Variants in INSC observed in about 807,000 individuals in gnomAD.
INSC encodes protein inscuteable homolog.
In INSC, 67 loss-of-function variants were observed where a neutral mutation model predicts 58.6. The observed-to-expected ratio is 1.14, with a 90% CI of 0.94 to 1.40. The LOEUF is 1.40. Ranked by LOEUF, INSC falls within the 40% of genes most tolerant of loss-of-function variation. The pLI is 0.00. For synonymous variants in INSC, 262 were observed against 276.1 expected (o/e 0.95, Z 0.51); for missense variants, 714 against 692.0 (o/e 1.03, Z -0.36).
intron 7 of INSC, among the ~76,000 whole-genome samples, chr11:15,217,354 G>A (rs535510999): frequency 1.2e-4 from 19 of 152,278 alleles, no homozygotes; most frequent in African/African-American, 4.3e-4. Flanking sequence ...GGGGATTATG[G>A]GAACTACAGT....
chr11:15,267,255 C>T, the INSC span, among the ~76,000 whole-genome samples: 1 of 151,978 alleles, frequency 6.6e-6, no homozygotes, highest in East Asian at 1.9e-4. Flanking sequence ...TGTCTTTGAT[C>T]ACTTGTGGTT....
intron 7 of INSC, among the ~76,000 whole-genome samples, chr11:15,202,099 G>A (rs1850616147): frequency 6.6e-6 from 1 of 152,176 alleles, no homozygotes; most frequent in Non-Finnish European, 1.5e-5. Context: ...CAGATGACAA[G>A]GCTATGGGTC....
At chr11:15,221,801 G>A (rs1481085069) in intron 8 of INSC, among the ~76,000 whole-genome samples, 153 bp downstream of exon 8, 1 of 152,136 alleles carries the variant, frequency 6.6e-6, no homozygotes, top group Non-Finnish European at 1.5e-5. Context: ...CACAATTAAT[G>A]GATCTGAATT....
chr11:15,230,605 A>G (rs915764108), intron 9 of INSC, among the ~76,000 whole-genome samples: 2 of 152,234 alleles, frequency 1.3e-5, no homozygotes, highest in African/African-American at 4.8e-5. Context: ...GATATTGTGT[A>G]GTATTGGAGG....
At chr11:15,243,417 A>C (rs1008455643) in intron 12 of INSC, among the ~76,000 whole-genome samples, 31 of 152,210 alleles carry the variant, frequency 2.0e-4, no homozygotes, top group African/African-American at 7.5e-4. Context: ...AGCAGCTGTC[A>C]GTAGGTTGCC....
At chr11:15,250,815 C>A (rs1852642352), downstream of INSC, among the ~76,000 whole-genome samples, 1 of 152,222 alleles carries the variant, frequency 6.6e-6, no homozygotes, top group Admixed American at 6.5e-5. Context: ...GGGGATATGG[C>A]TCAGGATTTC....
chr11:15,206,844 G>A (rs1310961388), intron 7 of INSC, among the ~76,000 whole-genome samples: 11 of 152,228 alleles, frequency 7.2e-5, no homozygotes, highest in African/African-American at 1.9e-4. Flanking sequence ...TGGTGCCTGC[G>A]TGGAGAAAGC....
chr11:15,221,946 ATGGGG>A (rs1589987411), intron 8 of INSC, among the ~76,000 whole-genome samples: 1 of 152,158 alleles, frequency 6.6e-6, no homozygotes, highest in East Asian at 1.9e-4. Flanking sequence ...CCAGAAAGGA[ATGGGG>A]CCTCAAATTT....
At chr11:15,252,310 T>C in the INSC span, among the ~76,000 whole-genome samples, 1 of 152,246 alleles carries the variant, frequency 6.6e-6, no homozygotes, top group Non-Finnish European at 1.5e-5. Context: ...CACAACTCTG[T>C]GAATATACTG....
At chr11:15,125,154 G>A (rs1422065659) in intron 1 of INSC, among the ~76,000 whole-genome samples, 1 of 152,170 alleles carries the variant, frequency 6.6e-6, no homozygotes, top group Non-Finnish European at 1.5e-5. Flanking sequence ...AGGCATTTAA[G>A]CAGAGGCCAG....
chr11:15,116,860 TCTCTCTCTCTCTCTCTCC>T (rs1590321241), intron 1 of INSC, among the ~76,000 whole-genome samples: 1 of 64,850 alleles, frequency 1.5e-5, no homozygotes, highest in East Asian at 4.9e-4. Context: ...TCTCTCTCTC[TCTCTCTCTCTCTCTCTCC>T]CCCTCCCTCC....
At chr11:15,200,188 C>T (rs1850526236) in intron 6 of INSC, among the ~76,000 whole-genome samples, 1 of 146,844 alleles carries the variant, frequency 6.8e-6, no homozygotes, top group South Asian at 2.2e-4. Flanking sequence ...CACACACACA[C>T]ACAAACAGGA....
chr11:15,234,819 T>A (rs1444155273), intron 9 of INSC, among the ~76,000 whole-genome samples: 1 of 152,072 alleles, frequency 6.6e-6, no homozygotes, highest in Admixed American at 6.6e-5. Flanking sequence ...CAGTTTGGGG[T>A]CCCTGGAATG....
At chr11:15,125,776 GTACCCATAGGAGAT>G (rs1847979867) in intron 1 of INSC, among the ~76,000 whole-genome samples, 1 of 152,164 alleles carries the variant, frequency 6.6e-6, no homozygotes, top group Non-Finnish European at 1.5e-5. Context: ...GAGAAAAGAT[GTACCCATAGGAGAT>G]CACCAGTCAG....
chr11:15,209,817 A>C (rs1850948947), intron 7 of INSC, among the ~76,000 whole-genome samples: 1 of 152,156 alleles, frequency 6.6e-6, no homozygotes, highest in Non-Finnish European at 1.5e-5. Context: ...ACCAGAATGC[A>C]GAATGTCTGA....
At chr11:15,226,582 G>GTA (rs1851648486) in intron 9 of INSC, among the ~76,000 whole-genome samples, 1 of 152,084 alleles carries the variant, frequency 6.6e-6, no homozygotes, top group Non-Finnish European at 1.5e-5. Flanking sequence ...ATTCTTCCCA[G>GTA]TACCTGAGCT....
At chr11:15,119,863 T>A (rs753715811) in intron 1 of INSC, among the ~76,000 whole-genome samples, 9 of 152,218 alleles carry the variant, frequency 5.9e-5, no homozygotes, top group Non-Finnish European at 8.8e-5. Context: ...TAAAATGGGG[T>A]TCCTCATAAG....
intron 1 of INSC, among the ~76,000 whole-genome samples, chr11:15,133,218 C>T (rs907647162): frequency 6.6e-6 from 1 of 152,132 alleles, no homozygotes; most frequent in African/African-American, 2.4e-5. Context: ...CTCTGGACTG[C>T]GTCTTGGTTA....
At chr11:15,114,641 C>T (rs1271233030), upstream of INSC, among the ~76,000 whole-genome samples, 1 of 152,192 alleles carries the variant, frequency 6.6e-6, no homozygotes, top group African/African-American at 2.4e-5. Flanking sequence ...CCGGGGGAGC[C>T]CGGTCTCTAA....
Sources: gnomAD v4.1 joint callset for allele counts (sites outside exome capture counted in the v4.1 genomes callset) on GRCh38, gnomAD v4.1.1 for gene constraint, MANE v1.5 for transcripts, NCBI Gene and HGNC (gene_info 2026-07-23, HGNC 2026-07-21) for gene names.